Variants in STK31 observed in about 807,000 individuals in gnomAD.
STK31 encodes the protein serine/threonine-protein kinase 31.
STK31 carries 89 observed loss-of-function variants against 129.7 expected under a neutral mutation model. That is an observed-to-expected ratio of 0.69 (90% CI 0.58 to 0.82). The LOEUF is 0.82. Among genes scored for constraint, STK31 ranks in the 40% least tolerant of loss-of-function variants. STK31 has a pLI of 0.00. For synonymous variants in STK31, 448 were observed against 395.3 expected, an observed-to-expected ratio of 1.13 and a Z score of -1.58; for missense variants, 1,187 against 1,176.4, an observed-to-expected ratio of 1.01 and a Z score of -0.13.
rs190370734 is a variant in STK31 at position 23,800,812 on chromosome 7, A to G, written c.2760+9866A>G. Among the ~76,000 whole-genome samples, 577 of 150,588 alleles carry G rather than the reference A, an allele frequency of 3.8e-3. 4 individuals are homozygous for G. The highest frequency in any genetic ancestry group is 0.021 in the Middle Eastern group (6 of 292). On this transcript the variant is annotated intron_variant, in intron 22 of 23. Transcript: ENST00000355870. Reference sequence around the variant, plus strand: ...TATCATATTAGTGGTATCATACAGTATATAATTTTGTGAGTCTAGCTTCTT... The same window carrying G: ...TATCATATTAGTGGTATCATACAGTGTATAATTTTGTGAGTCTAGCTTCTT...
At chr7:23,734,587 G>A (rs1787609663) in intron 6 of STK31, among the ~76,000 whole-genome samples, 1 of 152,196 alleles carries the variant, frequency 6.6e-6, no homozygotes, top group Non-Finnish European at 1.5e-5. Flanking sequence ...ATATTCAGTA[G>A]CTCAAAGTTA....
chr7:23,753,261 A>G (rs2128093295), intron 9 of STK31, among the ~76,000 whole-genome samples: 1 of 152,326 alleles, frequency 6.6e-6, no homozygotes, highest in Admixed American at 6.5e-5. Flanking sequence ...GAGTTTGCAC[A>G]TTCTCTCCAT....
chr7:23,712,366 G>A, intron 3 of STK31, 80 bp downstream of exon 3: 1 of 1,309,258 alleles, frequency 7.6e-7, no homozygotes, highest in Non-Finnish European at 1.1e-6. Flanking sequence ...ATAAAACCCA[G>A]GAATAAATAC....
At chr7:23,779,238 G>C (rs1166889098) in intron 15 of STK31, among the ~76,000 whole-genome samples, 1 of 152,186 alleles carries the variant, frequency 6.6e-6, no homozygotes, top group African/African-American at 2.4e-5. Context: ...GCACCTGCCA[G>C]ATGCTAGCCA....
chr7:23,789,191 T>C (rs188880094), intron 21 of STK31, among the ~76,000 whole-genome samples: 1 of 147,874 alleles, frequency 6.8e-6, no homozygotes, highest in Non-Finnish European at 1.5e-5. Context: ...ATTTTGTTTA[T>C]ATATTCATCA....
At chr7:23,730,870 A>ATT (rs1263694532) in intron 6 of STK31, among the ~76,000 whole-genome samples, 11 of 45,286 alleles carry the variant, frequency 2.4e-4, no homozygotes, top group Admixed American at 3.8e-4. Flanking sequence ...ATATATATAT[A>ATT]TATATATATT....
At chr7:23,778,022 G>A (rs1022143393) in intron 15 of STK31, among the ~76,000 whole-genome samples, 1 of 152,122 alleles carries the variant, frequency 6.6e-6, no homozygotes, top group Non-Finnish European at 1.5e-5. Flanking sequence ...CTCTTATAAG[G>A]CAGGTCTGAT....
intron 11 of STK31, among the ~76,000 whole-genome samples, chr7:23,767,506 C>T (rs1232216318): frequency 6.6e-6 from 1 of 152,204 alleles, no homozygotes; most frequent in Admixed American, 6.5e-5. Flanking sequence ...GTCTGTCCTA[C>T]TCTTCAGCAA....
intron 11 of STK31, among the ~76,000 whole-genome samples, chr7:23,767,179 C>G (rs991190911): frequency 6.6e-6 from 1 of 152,152 alleles, no homozygotes; most frequent in South Asian, 2.1e-4. Flanking sequence ...GGGCCATTGA[C>G]ACTGATTTTG....
rs1051812268 is a variant in STK31, at chr7:23,759,568, A to G, written c.1294-3233A>G. ...TATCTTCATATTAATAATTTCCTTC[A>G]TTTATTGCCTTATAAGAAAGGTGTA... On this transcript the variant is annotated intron_variant, in intron 10 of 23. Coordinates refer to ENST00000355870, the MANE Select transcript of STK31 (RefSeq NM_031414.5). 2.0e-5 allele frequency among the ~76,000 whole-genome samples: 3 copies of G among 152,172 alleles called. No individual in the cohort carries two copies. In the East Asian group the frequency reaches 5.8e-4, roughly 29 times the overall value.
intron 23 of STK31, among the ~76,000 whole-genome samples, chr7:23,819,623 CAG>C (rs1793680798): frequency 6.6e-6 from 1 of 152,152 alleles, no homozygotes; most frequent in Non-Finnish European, 1.5e-5. Flanking sequence ...CCATGTTGGC[CAG>C]GCTGATCTTA....
intron 3 of STK31, among the ~76,000 whole-genome samples, chr7:23,714,633 A>G (rs1341638804): frequency 2.0e-5 from 3 of 152,232 alleles, no homozygotes; most frequent in Non-Finnish European, 2.9e-5. Flanking sequence ...TCCAGTGTGT[A>G]TATTAGACTT....
At chr7:23,758,366 C>G (rs7807397) in intron 10 of STK31, among the ~76,000 whole-genome samples, 1 of 151,852 alleles carries the variant, frequency 6.6e-6, no homozygotes, top group Non-Finnish European at 1.5e-5. Flanking sequence ...CTCTCTTCTT[C>G]TTAGTCTAGC....
At chr7:23,729,518 T>G (rs1048983041) in intron 6 of STK31, among the ~76,000 whole-genome samples, 5 of 143,834 alleles carry the variant, frequency 3.5e-5, no homozygotes, top group African/African-American at 1.1e-4. Context: ...TTTGTTTTTT[T>G]TTTTTTTTTT....
intron 23 of STK31, among the ~76,000 whole-genome samples, chr7:23,826,394 T>C (rs1794152987): frequency 6.6e-6 from 1 of 152,174 alleles, no homozygotes; most frequent in African/African-American, 2.4e-5. Flanking sequence ...GTTTAAAGTC[T>C]GTTTTATCTG....
intron 8 of STK31, among the ~76,000 whole-genome samples, chr7:23,747,433 G>A (rs559165698): frequency 6.6e-6 from 1 of 151,918 alleles, no homozygotes; most frequent in East Asian, 1.9e-4. Context: ...GCAGTGGCGC[G>A]ATGTCTGCTC....
At chr7:23,742,577 C>T (rs1188697697) in intron 8 of STK31, among the ~76,000 whole-genome samples, 2 of 152,166 alleles carry the variant, frequency 1.3e-5, no homozygotes, top group Non-Finnish European at 2.9e-5. Flanking sequence ...CTCCTATAGC[C>T]AATGTTGTAA....
Position 23,721,283 on chromosome 7 carries a change from G to A in STK31, c.249+3704G>A, listed in dbSNP as rs1786672296. On this transcript the variant is annotated intron_variant, in intron 4 of 23. Coordinates refer to ENST00000355870, the MANE Select transcript of STK31 (RefSeq NM_031414.5). ...TTTCAAGACTAAGGGAATTACTGGT[G>A]GCATTCTTTCTCCTTGATCTAAACT... 5 of 580,654 alleles carry A rather than the reference G, an allele frequency of 8.6e-6. No homozygotes were observed. The South Asian group carries it at 1.1e-4, about 13-fold the overall frequency. 36.0% of individuals were successfully genotyped at this position (580,654 alleles called of 1,614,324 possible). A position where few individuals can be genotyped will look rare whatever the true frequency, so the allele number is the denominator to read the frequency against.
chr7:23,729,147 A>G lies in STK31; in HGVS notation c.381A>G (p.Ile127Met). 1 of 1,612,094 alleles carries G rather than the reference A, an allele frequency of 6.2e-7. No individual in the cohort carries two copies. Among genetic ancestry groups the G allele is most frequent in the Non-Finnish European group, 8.5e-7 (1 of 1,179,598 alleles). ...GNTEILNRSD[I>M]VEIPLELQFS... ...CTGAAATTCTAAATCGATCTGATATAGTTGAAATTCCTTTGGAGCTGCAGT... is the reference window on the plus strand; with the variant it reads ...CTGAAATTCTAAATCGATCTGATATGGTTGAAATTCCTTTGGAGCTGCAGT... The change falls in exon 6 of 24, where the codon ATA becomes ATG. Residue 127 changes from isoleucine (I) to methionine (M), a missense_variant. Ile to Met is a conservative substitution (Grantham distance 10). Coordinates refer to ENST00000355870, the MANE Select transcript of STK31 (RefSeq NM_031414.5).
Sources: allele counts gnomAD v4.1 joint callset (sites outside exome capture counted in the v4.1 genomes callset), GRCh38; gene constraint gnomAD v4.1.1; transcripts MANE v1.5; gene names NCBI Gene and HGNC (gene_info 2026-07-23, HGNC 2026-07-21).